Variants in ESCO1 observed in about 807,000 individuals in gnomAD.
The protein encoded by ESCO1 is establishment of sister chromatid cohesion N-acetyltransferase 1, also known as N-acetyltransferase ESCO1.
ESCO1 carries 33 observed loss-of-function variants against 83.5 expected under a neutral mutation model. That is an observed-to-expected ratio of 0.40 (90% CI 0.30 to 0.53). The LOEUF is 0.53. Among genes scored for constraint, ESCO1 ranks in the 20% least tolerant of loss-of-function variants. ESCO1 has a pLI of 0.63. For synonymous variants in ESCO1, 332 were observed against 324.3 expected (o/e 1.02, Z -0.25); for missense variants, 855 against 968.0 (o/e 0.88, Z 1.55).
At chr18:21,591,844 A>C (rs538106638) in intron 1 of ESCO1, among the ~76,000 whole-genome samples, 87 of 151,732 alleles carry the variant, frequency 5.7e-4, no homozygotes, top group Non-Finnish European at 1.1e-3. Context: ...GTCCCTGGGT[A>C]CTTGAGATTA....
intron 5 of ESCO1, among the ~76,000 whole-genome samples, chr18:21,566,708 A>G (rs898111086): frequency 1.3e-5 from 2 of 152,058 alleles, no homozygotes; most frequent in Admixed American, 6.6e-5. Flanking sequence ...TAAAAATACA[A>G]AATAAGCCGG....
At chr18:21,598,561 G>T (rs1185640208) in intron 1 of ESCO1, among the ~76,000 whole-genome samples, 1 of 151,944 alleles carries the variant, frequency 6.6e-6, no homozygotes, top group Non-Finnish European at 1.5e-5. Flanking sequence ...AATTAGCCGG[G>T]CATGGTGGCA....
chr18:21,530,437 T>C lies in ESCO1; in HGVS notation c.2429A>G (p.Asp810Gly). The change falls in exon 12 of 12, where the codon GAT (aspartate) becomes GGT (glycine). Residue 810 changes from aspartate to glycine, a missense_variant. Around this residue, in one of 2 missense-constraint regions of ESCO1, gnomAD observed 129 missense variants for 268.5 expected, o/e 0.48. Transcript: ENST00000269214. ...AAACAGCTTTCCATCAGGAGTGGGA[T>C]CTGAGAAAGCAATTTCTTCTTTGCT... is the stretch of plus-strand genomic sequence containing the variant. ...YLSKEEIAFS[D>G]PTPDGKLFAT... is the part of the protein sequence containing the mutation. 6.4e-7 allele frequency: 1 copy of C among 1,573,856 alleles called. No individual in the cohort carries two copies. Among genetic ancestry groups the C allele is most frequent in the Non-Finnish European group, 8.6e-7 (1 of 1,158,018 alleles).
At chr18:21,597,654 A>G (rs924643919) in intron 1 of ESCO1, among the ~76,000 whole-genome samples, 27 of 152,276 alleles carry the variant, frequency 1.8e-4, no homozygotes, top group Admixed American at 1.7e-3. Flanking sequence ...GTCCTACATA[A>G]TTTTTAAGAG....
intron 1 of ESCO1, among the ~76,000 whole-genome samples, chr18:21,586,584 C>T (rs1415079278): frequency 6.6e-6 from 1 of 152,184 alleles, no homozygotes; most frequent in Non-Finnish European, 1.5e-5. Flanking sequence ...AATTTTTGTA[C>T]ATTGATCTTG....
intron 4 of ESCO1, among the ~76,000 whole-genome samples, chr18:21,571,655 T>C (rs1440826507): frequency 6.6e-6 from 1 of 152,210 alleles, no homozygotes; most frequent in African/African-American, 2.4e-5. Context: ...TATCCATCAA[T>C]ATACTCTCCA....
intron 8 of ESCO1, among the ~76,000 whole-genome samples, chr18:21,556,800 A>C (rs778580811): frequency 9.2e-5 from 14 of 152,068 alleles, no homozygotes; most frequent in Non-Finnish European, 1.5e-4. Context: ...TCCCAGGCTC[A>C]AGCGATTCTC....
intron 6 of ESCO1, 141 bp from the exon 7 acceptor site, chr18:21,564,458 T>C: frequency 1.8e-6 from 1 of 554,788 alleles, no homozygotes; most frequent in Non-Finnish European, 3.1e-6. Context: ...TGGCGCAATC[T>C]TGGCTCACTG....
chr18:21,545,781 T>G (rs1177981965), intron 8 of ESCO1, among the ~76,000 whole-genome samples: 2 of 151,314 alleles, frequency 1.3e-5, no homozygotes, highest in Non-Finnish European at 2.9e-5. Flanking sequence ...ATACAAAAAA[T>G]TAGCTGAGCA....
intron 8 of ESCO1, among the ~76,000 whole-genome samples, chr18:21,543,159 T>C (rs1598980270): frequency 6.6e-6 from 1 of 152,148 alleles, no homozygotes; most frequent in Non-Finnish European, 1.5e-5. Context: ...TATTATTTTA[T>C]TTATTTTTTT....
chr18:21,589,531 G>C (rs561961260), intron 1 of ESCO1, among the ~76,000 whole-genome samples: 2 of 152,082 alleles, frequency 1.3e-5, no homozygotes, highest in East Asian at 1.9e-4. Context: ...CAGATTTACT[G>C]CAGAATCAAA....
intron 1 of ESCO1, among the ~76,000 whole-genome samples, chr18:21,592,226 C>T (rs1283928615): frequency 6.6e-6 from 1 of 150,612 alleles, no homozygotes; most frequent in Non-Finnish European, 1.5e-5. Context: ...AGAGGGGCTC[C>T]TCACTTCCCA....
rs555970225 is a variant in ESCO1 at position 21,556,848 on chromosome 18, G to A, written c.1953+4011C>T. On this transcript the variant is annotated intron_variant, in intron 8 of 11. Transcript: ENST00000269214. The stretch of plus-strand genomic sequence containing the variant: ...CCTGAGTAGCTGGGATTACAGGCGC[G>A]TGCCACCACACCCAACTGATTTTTG... Among the ~76,000 whole-genome samples the A allele has an allele frequency of 7.3e-4, 111 of 152,110 alleles. 1 individual carries two copies. The highest frequency in any genetic ancestry group is 7.7e-4 in the East Asian group (4 of 5,170).
chr18:21,564,686 G>A (rs995610880), intron 6 of ESCO1, among the ~76,000 whole-genome samples: 5 of 151,542 alleles, frequency 3.3e-5, no homozygotes, highest in East Asian at 2.0e-4. Flanking sequence ...GTGAGCCACC[G>A]CGCCCGGCAA....
chr18:21,564,452 G>T (rs1249202439), intron 6 of ESCO1, 135 bp from the exon 7 acceptor site: 8 of 566,078 alleles, frequency 1.4e-5, no homozygotes, highest in Non-Finnish European at 2.4e-5. Context: ...GTGCAGTGGC[G>T]CAATCTTGGC....
chr18:21,561,087 T>C (rs908988089), intron 7 of ESCO1, 97 bp from the exon 8 acceptor site: 3 of 1,192,234 alleles, frequency 2.5e-6, no homozygotes, highest in African/African-American at 3.1e-5. Context: ...AAGTAAGAAT[T>C]GTTTAATCTA....
At chr18:21,575,834 T>C (rs1175467114) in intron 2 of ESCO1, 57 bp from the exon 3 acceptor site, 3 of 396,268 alleles carry the variant, frequency 7.6e-6, no homozygotes, top group Non-Finnish European at 1.3e-5. Context: ...GATGTAATCA[T>C]CCATTCGGCT....
chr18:21,554,784 C>G (rs1288597324), intron 8 of ESCO1, among the ~76,000 whole-genome samples: 1 of 152,048 alleles, frequency 6.6e-6, no homozygotes, highest in African/African-American at 2.4e-5. Context: ...TGGTGCACAA[C>G]TGCAGTCACA....
At chr18:21,541,608 A>AAAAG (rs1424379461) in intron 8 of ESCO1, among the ~76,000 whole-genome samples, 1 of 148,816 alleles carries the variant, frequency 6.7e-6, no homozygotes, top group African/African-American at 2.6e-5. Context: ...AAAAAAAAAA[A>AAAAG]AAAGAAAGAA....
Sources: gnomAD v4.1 joint callset for allele counts (sites outside exome capture counted in the v4.1 genomes callset) on GRCh38, gnomAD v4.1.1 for gene constraint, gnomAD v4.1.1 regional missense constraint, MANE v1.5 for transcripts, NCBI Gene and HGNC (gene_info 2026-07-23, HGNC 2026-07-21) for gene names.